Variants in PIGF observed in about 807,000 individuals in gnomAD.
PIGF encodes the protein GPI ethanolamine phosphate transferase, stabilizing subunit.
PIGF carries 23 observed loss-of-function variants against 26.0 expected under a neutral mutation model. That is an observed-to-expected ratio of 0.88 (90% confidence interval 0.64 to 1.25). PIGF has a LOEUF of 1.25. Among genes scored for constraint, PIGF ranks in the 50% most tolerant of loss-of-function variants. The probability of loss-of-function intolerance (pLI) is 0.00; values close to 1 mark genes in which losing one functional copy is unlikely to be tolerated. For missense variants in PIGF, 278 were observed against 249.9 expected (o/e 1.11, Z -0.76); for synonymous variants, 93 against 92.6 (o/e 1.00, Z -0.03).
At chr2:46,610,944 G>A (rs990064955) in intron 4 of PIGF, among the ~76,000 whole-genome samples, 1 of 152,116 alleles carries the variant, frequency 6.6e-6, no homozygotes, top group Admixed American at 6.5e-5. Context: ...AAAATACCCT[G>A]TTCATTTCAG....
chr2:46,584,781 G>T (rs1361880730), intron 5 of PIGF, among the ~76,000 whole-genome samples: 5 of 151,996 alleles, frequency 3.3e-5, no homozygotes, highest in African/African-American at 1.2e-4. Flanking sequence ...TTTTAAAAGA[G>T]AATTTCTTTA....
At chr2:46,593,282 G>A (rs377131149) in intron 4 of PIGF, among the ~76,000 whole-genome samples, 1 of 152,146 alleles carries the variant, frequency 6.6e-6, no homozygotes. Flanking sequence ...ACAGGTGTGT[G>A]CCACCATGCC....
chr2:46,601,101 A>T (rs1670041763), intron 4 of PIGF, among the ~76,000 whole-genome samples: 1 of 152,214 alleles, frequency 6.6e-6, no homozygotes, highest in South Asian at 2.1e-4. Context: ...ATTCCTTTCT[A>T]TTAACTAATT....
chr2:46,602,281 T>C (rs781172601), intron 4 of PIGF, among the ~76,000 whole-genome samples: 10 of 151,948 alleles, frequency 6.6e-5, no homozygotes, highest in African/African-American at 1.7e-4. Flanking sequence ...AAAATCCCAA[T>C]AGTATCAGAA....
intron 2 of PIGF, 132 bp downstream of exon 2, chr2:46,614,805 T>C (rs2104150180): frequency 1.7e-6 from 1 of 580,970 alleles, no homozygotes; most frequent in South Asian, 2.2e-5. Context: ...GCCTACCAAT[T>C]TGGGGGGAAA....
At chr2:46,584,754 T>A (rs1669513897) in intron 5 of PIGF, among the ~76,000 whole-genome samples, 1 of 152,198 alleles carries the variant, frequency 6.6e-6, no homozygotes, top group African/African-American at 2.4e-5. Flanking sequence ...CATTTCTTAA[T>A]CGTAACCCTG....
At chr2:46,585,779 CTTTT>C (rs141047970) in intron 5 of PIGF, among the ~76,000 whole-genome samples, 1 of 146,600 alleles carries the variant, frequency 6.8e-6, no homozygotes, top group Admixed American at 6.8e-5. Flanking sequence ...AAGCAATCAT[CTTTT>C]TTTTTTTTGA....
At chr2:46,583,044 A>G (rs1198126270) in intron 5 of PIGF, 1 of 152,204 alleles carries the variant, frequency 6.6e-6, no homozygotes, top group African/African-American at 2.4e-5. Flanking sequence ...GTATAAATCA[A>G]TTAACATATT....
Position 46,592,529 on chromosome 2 carries a change from T to C in PIGF, c.492A>G (p.Val164=). The part of the protein sequence containing the change: ...SLQITTISSF[V]GAWLGALPIP... ...TAGGAAGTGCTCCAAGCCATGCTCCTACAAAGCTAGAAATTGTAGTGATCT... is the reference window on the plus strand; with the variant it reads ...TAGGAAGTGCTCCAAGCCATGCTCCCACAAAGCTAGAAATTGTAGTGATCT... The change falls in exon 5 of 6, where the codon GTA becomes GTG. Residue 164 remains valine, a synonymous_variant. Coordinates refer to ENST00000281382, the MANE Select transcript of PIGF (RefSeq NM_002643.4). The C allele has an allele frequency of 6.2e-7, 1 of 1,611,554 alleles. No individual in the cohort carries two copies. The highest frequency in any genetic ancestry group is 8.5e-7 in the Non-Finnish European group (1 of 1,177,616).
intron 4 of PIGF, among the ~76,000 whole-genome samples, chr2:46,598,650 C>T (rs568684323): frequency 4.6e-5 from 7 of 150,638 alleles, no homozygotes; most frequent in Non-Finnish European, 1.0e-4. Context: ...AGATTGGACA[C>T]TCCTGTAGTG....
chr2:46,581,867 T>C (rs1669393447), intron 5 of PIGF: 1 of 295,672 alleles, frequency 3.4e-6, no homozygotes, highest in South Asian at 4.3e-5. Flanking sequence ...AATTAAAATT[T>C]TGGGTCAGAC....
rs562247427 is a variant in PIGF, at chr2:46,614,715, C to T, written c.228+222G>A. 829 of 437,858 alleles carry T rather than the reference C, an allele frequency of 1.9e-3. 19 individuals are homozygous for T. The South Asian group carries it at 0.022, about 12-fold the overall frequency. 27.1% of individuals were successfully genotyped at this position (437,858 alleles called of 1,614,324 possible). On this transcript the variant is annotated intron_variant, in intron 2 of 5. Coordinates refer to ENST00000281382, the MANE Select transcript of PIGF (RefSeq NM_002643.4). ...TATAGGCTCACAATATTATAATATG[C>T]TCTGAAGAAGTCATAATTCCATAAT...
In PIGF at chr2:46,592,565, C is replaced by A. The variant is rs1412791621; in HGVS notation, c.456G>T (p.Glu152Asp). 1 of 1,591,596 alleles carries A rather than the reference C, an allele frequency of 6.3e-7. No homozygotes were observed. Among genetic ancestry groups the A allele is most frequent in the South Asian group, 1.1e-5 (1 of 90,638 alleles). Residue 152 changes from glutamate to aspartate, a missense_variant, in exon 5 of 6, where the codon GAG becomes GAT. Coordinates refer to ENST00000281382, the MANE Select transcript of PIGF (RefSeq NM_002643.4). ...FSRNGVTSIW[E>D]NSLQITTISS... ...AAATTGTAGTGATCTGGAGACTATT[C>A]TCCCATATGGATGTAACTCTGTGAA...
At position 46,588,113 on chromosome 2, in the gene PIGF, C is replaced by A. The variant is rs780028708; in HGVS notation, c.546+4362G>T. ...TGTCAGGATTAAGTTACTCATTTCA[C>A]AGTACCAAGCCCCCTGCAGGGTACA... On this transcript the variant is annotated intron_variant, in intron 5 of 5. Coordinates refer to ENST00000281382, the MANE Select transcript of PIGF (RefSeq NM_002643.4). The surrounding 1 kb of genome is among the most constrained non-coding windows in gnomAD (Gnocchi z 4.1). The A allele has an allele frequency of 6.2e-7, 1 of 1,607,376 alleles. No individual in the cohort carries two copies. Among genetic ancestry groups the A allele is most frequent in the Non-Finnish European group, 8.5e-7 (1 of 1,176,872 alleles).
At position 46,606,680 on chromosome 2, in the gene PIGF, T is replaced by C. The variant is rs752591013; in HGVS notation, c.437+5548A>G. Reference sequence around the variant, plus strand: ...AGTACCAAACTGCACTTTACAGAGTTTGAACACTGGAGCTTGCTTCTCAAA... The same window carrying C: ...AGTACCAAACTGCACTTTACAGAGTCTGAACACTGGAGCTTGCTTCTCAAA... On this transcript the variant is annotated intron_variant, in intron 4 of 5. Coordinates refer to ENST00000281382, the MANE Select transcript of PIGF (RefSeq NM_002643.4). Among the ~76,000 whole-genome samples, 35 of 152,172 alleles carry C rather than the reference T, an allele frequency of 2.3e-4. 1 individual carries two copies. The highest frequency in any genetic ancestry group is 4.7e-4 in the Non-Finnish European group (32 of 68,016).
Position 46,612,234 on chromosome 2 carries a change from C to T in PIGF, c.431G>A (p.Arg144Lys). Reference sequence around the variant, plus strand: ...ATATAAAATTAAAACTTACCCATTTCTACTGAACACTCTTAGCCATGCTTT... The same window carrying T: ...ATATAAAATTAAAACTTACCCATTTTTACTGAACACTCTTAGCCATGCTTT... ...NLKAWLRVFSRNGVTSIWENS... is the reference protein window; with the variant it reads ...NLKAWLRVFSKNGVTSIWENS... The change falls in exon 4 of 6, where the codon AGA becomes AAA. Residue 144 changes from arginine (R) to lysine (K), a missense_variant. Physicochemically the swap from Arg to Lys is conservative, Grantham distance 26. Coordinates refer to ENST00000281382, the MANE Select transcript of PIGF (RefSeq NM_002643.4). 9.0e-7 allele frequency: 1 copy of T among 1,113,262 alleles called. No individual in the cohort carries two copies. The highest frequency in any genetic ancestry group is 1.2e-6 in the Non-Finnish European group (1 of 828,216). 69.0% of individuals were successfully genotyped at this position (1,113,262 alleles called of 1,614,324 possible).
chr2:46,581,339 AG>A lies in PIGF; in HGVS notation c.*138del. On this transcript the variant is annotated 3_prime_UTR_variant, in exon 6 of 6. Transcript: ENST00000281382. ...AGGTACAATCTCTCAGGGGTTTCAT[AG>A]TTTAAAAAGCTACAATCACATCATG... The A allele has an allele frequency of 7.6e-7, 1 of 1,321,584 alleles. No individual in the cohort carries two copies. The highest frequency in any genetic ancestry group is 1.0e-6 in the Non-Finnish European group (1 of 980,966). The allele number at this position is 1,321,584 out of a possible 1,614,324, so 81.9% of individuals were successfully genotyped here. A position where few individuals can be genotyped will look rare whatever the true frequency, so the allele number is the denominator to read the frequency against.
At chr2:46,583,894 GA>G (rs1558697991) in intron 5 of PIGF, among the ~76,000 whole-genome samples, 1 of 152,160 alleles carries the variant, frequency 6.6e-6, no homozygotes, top group Non-Finnish European at 1.5e-5. Flanking sequence ...TTTGCATATA[GA>G]GAATTAGTTC....
At chr2:46,604,316 A>T (rs1243700302) in intron 4 of PIGF, among the ~76,000 whole-genome samples, 2 of 151,928 alleles carry the variant, frequency 1.3e-5, no homozygotes, top group African/African-American at 4.8e-5. Context: ...AAAAAACAAA[A>T]ACAGATCTAC....
Sources: allele counts gnomAD v4.1 joint callset (sites outside exome capture counted in the v4.1 genomes callset), GRCh38; gene constraint gnomAD v4.1.1; non-coding constraint Gnocchi (gnomAD v3.1); transcripts MANE v1.5; gene names NCBI Gene and HGNC (gene_info 2026-07-23, HGNC 2026-07-21).